Variants in C8orf34 observed in about 807,000 individuals in gnomAD.
The protein encoded by C8orf34 is chromosome 8 open reading frame 34.
Under a neutral mutation model 68.3 loss-of-function variants are expected in C8orf34, and 65 were observed. The observed-to-expected ratio is 0.95, with a 90% CI of 0.78 to 1.17. The LOEUF is 1.17. C8orf34 is among the 50% of genes most tolerant of loss of function. The pLI is 0.00. For synonymous variants in C8orf34, 244 were observed against 241.2 expected, an observed-to-expected ratio of 1.01 and a Z score of -0.11; for missense variants, 664 against 655.4, an observed-to-expected ratio of 1.01 and a Z score of -0.14.
At chr8:68,506,669 C>T (rs1344858919) in intron 5 of C8orf34, among the ~76,000 whole-genome samples, 1 of 152,126 alleles carries the variant, frequency 6.6e-6, no homozygotes, top group Non-Finnish European at 1.5e-5. Flanking sequence ...ATTGTCATCA[C>T]TTTTTAAATA....
chr8:68,717,838 T>C (rs1456192210), intron 9 of C8orf34, among the ~76,000 whole-genome samples: 2 of 152,208 alleles, frequency 1.3e-5, no homozygotes, highest in Non-Finnish European at 2.9e-5. Context: ...CCATAGTTAA[T>C]GCATACTCAA....
chr8:68,549,049 C>T (rs1449138142), intron 7 of C8orf34, among the ~76,000 whole-genome samples: 1 of 151,660 alleles, frequency 6.6e-6, no homozygotes, highest in African/African-American at 2.4e-5. Flanking sequence ...AGAAGAGCAA[C>T]AGAGAGAAAT....
At chr8:68,610,525 C>T (rs1007386154) in intron 7 of C8orf34, among the ~76,000 whole-genome samples, 3 of 152,100 alleles carry the variant, frequency 2.0e-5, no homozygotes, top group African/African-American at 7.2e-5. Flanking sequence ...CATATTTGAA[C>T]TTAGATAATT....
At chr8:68,686,232 G>A (rs28782236) in intron 8 of C8orf34, among the ~76,000 whole-genome samples, 3,835 of 152,038 alleles carry the variant, frequency 0.025, 155 homozygotes, top group African/African-American at 0.087. Context: ...GATACCAATC[G>A]TACTGAAACT....
intron 7 of C8orf34, among the ~76,000 whole-genome samples, chr8:68,607,084 CAG>C (rs1817877364): frequency 6.6e-6 from 1 of 152,058 alleles, no homozygotes; most frequent in African/African-American, 2.4e-5. Context: ...TATCGTCAAT[CAG>C]AGTCTATCGC....
chr8:68,673,933 C>T (rs1333082487), intron 8 of C8orf34, among the ~76,000 whole-genome samples: 1 of 152,160 alleles, frequency 6.6e-6, no homozygotes, highest in African/African-American at 2.4e-5. Context: ...GCTCAACACA[C>T]AGCAAGCGAC....
chr8:68,502,153 C>G (rs1487016703), intron 5 of C8orf34, among the ~76,000 whole-genome samples: 3 of 152,136 alleles, frequency 2.0e-5, no homozygotes, highest in African/African-American at 7.2e-5. Flanking sequence ...GTAACCTCCG[C>G]CTCCCAGGTT....
chr8:68,815,735 C>A, intron 12 of C8orf34, 151 bp from the exon 13 acceptor site: 1 of 1,304,260 alleles, frequency 7.7e-7, no homozygotes, highest in Non-Finnish European at 1.1e-6. Context: ...AGTTAAAATA[C>A]AGAATGGCAG....
intron 7 of C8orf34, among the ~76,000 whole-genome samples, chr8:68,582,738 G>A (rs1182083178): frequency 6.6e-6 from 1 of 151,894 alleles, no homozygotes; most frequent in Admixed American, 6.6e-5. Flanking sequence ...CTCTGCTGGG[G>A]CCCCTGTGAA....
At chr8:68,404,254 C>T (rs140507848) in intron 1 of C8orf34, among the ~76,000 whole-genome samples, 137 of 151,386 alleles carry the variant, frequency 9.0e-4, no homozygotes, top group African/African-American at 3.3e-3. Flanking sequence ...GTTTACTTTC[C>T]TCATAGATTC....
At chr8:68,735,268 G>A (rs904988229) in intron 10 of C8orf34, among the ~76,000 whole-genome samples, 21 of 152,246 alleles carry the variant, frequency 1.4e-4, no homozygotes, top group Admixed American at 1.3e-3. Context: ...TTATACACAA[G>A]ATTTATTTGT....
intron 1 of C8orf34, among the ~76,000 whole-genome samples, chr8:68,436,672 T>G (rs2129625431): frequency 6.6e-6 from 1 of 152,284 alleles, no homozygotes; most frequent in Non-Finnish European, 1.5e-5. Context: ...GGTGTTCAGC[T>G]TATGTACCTG....
In C8orf34 at chr8:68,750,343, G is replaced by A. The variant is rs538420446; in HGVS notation, c.1405-26056G>A. 4.6e-5 allele frequency among the ~76,000 whole-genome samples: 7 copies of A among 152,220 alleles called. No individual in the cohort carries two copies. In the East Asian group the frequency reaches 9.7e-4, roughly 21 times the overall value. The stretch of plus-strand genomic sequence containing the variant: ...GAAAACATTACACTAAGTAAAAGAG[G>A]CCAGACATAAAAGCTTACATATTCT... On this transcript the variant is annotated intron_variant, in intron 10 of 13. Coordinates refer to ENST00000518698, the MANE Select transcript of C8orf34 (RefSeq NM_052958.4).
chr8:68,803,996 G>A lies in C8orf34; in HGVS notation c.1550-11890G>A, dbSNP rs547301021. Among the ~76,000 whole-genome samples the A allele has an allele frequency of 5.3e-5, 8 of 152,118 alleles. No homozygotes were observed. In the East Asian group the frequency reaches 7.7e-4, roughly 15 times the overall value. On this transcript the variant is annotated intron_variant, in intron 12 of 13. Coordinates refer to ENST00000518698, the MANE Select transcript of C8orf34 (RefSeq NM_052958.4). ...TGTAGAGAATTTAGTTTGGTAGTTC[G>A]TGAAAGGTTCACTGTCAACTGACAA...
chr8:68,551,774 A>G (rs367654517), intron 7 of C8orf34, among the ~76,000 whole-genome samples: 1 of 151,696 alleles, frequency 6.6e-6, no homozygotes, highest in East Asian at 1.9e-4. Context: ...TGTACTCTCC[A>G]CTCCCCTCTG....
At chr8:68,625,401 A>G (rs1025761459) in intron 7 of C8orf34, 2 of 495,014 alleles carry the variant, frequency 4.0e-6, no homozygotes, top group African/African-American at 2.0e-5. Flanking sequence ...TGAGGTTGTG[A>G]GGTGACAGAA....
intron 3 of C8orf34, among the ~76,000 whole-genome samples, chr8:68,461,844 A>T (rs979124914): frequency 3.9e-5 from 6 of 152,226 alleles, no homozygotes; most frequent in African/African-American, 1.4e-4. Flanking sequence ...ATCATGCCAA[A>T]TTGTAAAGAC....
intron 1 of C8orf34, among the ~76,000 whole-genome samples, chr8:68,422,270 C>A (rs1048035578): frequency 9.9e-5 from 15 of 152,164 alleles, no homozygotes; most frequent in Admixed American, 7.2e-4. Flanking sequence ...CATCTATCAG[C>A]CTGGAAAATC....
At chr8:68,403,087 AG>A (rs1263272159) in intron 1 of C8orf34, among the ~76,000 whole-genome samples, 3 of 152,262 alleles carry the variant, frequency 2.0e-5, no homozygotes, top group Admixed American at 6.5e-5. Context: ...TTACTTCTTG[AG>A]GATTCCAACT....
Sources: gnomAD v4.1 joint callset for allele counts (sites outside exome capture counted in the v4.1 genomes callset) on GRCh38, gnomAD v4.1.1 for gene constraint, MANE v1.5 for transcripts, NCBI Gene and HGNC (gene_info 2026-07-23, HGNC 2026-07-21) for gene names.